SLC23A2: variants seen among roughly 807,000 people sequenced by gnomAD.
SLC23A2 encodes the protein solute carrier family 23 member 2.
Under a neutral mutation model 73.3 loss-of-function variants are expected in SLC23A2, and 36 were observed. The ratio of observed to expected loss-of-function variants is 0.49; its 90% CI spans 0.38 to 0.65. The LOEUF (loss-of-function observed/expected upper bound fraction) is 0.65. Ranked by LOEUF, SLC23A2 falls within the 30% of genes least tolerant of loss-of-function variation. SLC23A2 has a pLI of 0.00. For synonymous variants in SLC23A2, 343 were observed against 327.3 expected, an observed-to-expected ratio of 1.05 and a Z score of -0.52; for missense variants, 507 against 841.6, an observed-to-expected ratio of 0.60 and a Z score of 4.92.
rs1356958020 is a variant in SLC23A2 at position 4,857,277 on chromosome 20, AACACATACACACACACACACAC to A, written c.1721-95_1721-74del. The A allele has an allele frequency of 1.7e-6, 1 of 590,066 alleles. No individual in the cohort carries two copies. The highest frequency in any genetic ancestry group is 2.9e-6 in the Non-Finnish European group (1 of 342,040). 36.6% of individuals were successfully genotyped at this position (590,066 alleles called of 1,614,324 possible). A position where few individuals can be genotyped will look rare whatever the true frequency, so the allele number is the denominator to read the frequency against. ...TCTACTGAAAATGAAACTGTCGTCA[AACACATACACACACACACACAC>A]ACACACACACACACACACACACACA... is the stretch of plus-strand genomic sequence containing the variant. On this transcript the variant is annotated intron_variant, in intron 16 of 16. Coordinates refer to ENST00000338244, the MANE Select transcript of SLC23A2 (RefSeq NM_005116.6). The surrounding 1 kb of genome is among the most constrained non-coding windows in gnomAD (Gnocchi z 4.0).
At chr20:4,878,821 T>C (rs6116562) in intron 9 of SLC23A2, among the ~76,000 whole-genome samples, 1 of 152,242 alleles carries the variant, frequency 6.6e-6, no homozygotes, top group Non-Finnish European at 1.5e-5. Flanking sequence ...CTTCTTACTC[T>C]GCTCTGCCAA....
rs1929570759 is a variant in SLC23A2, at chr20:4,852,674, C to G, written c.*4298G>C. ...AAAACTCAAGGAAAATATAGGCATC[C>G]CCACTGTTTTAAGAACAGTCAGAAA... On this transcript the variant is annotated 3_prime_UTR_variant, in exon 17 of 17. Coordinates refer to ENST00000338244, the MANE Select transcript of SLC23A2 (RefSeq NM_005116.6). This position sits in a 1 kb window ranked among gnomAD's most constrained non-coding sequence, Gnocchi z 4.3. 6.6e-6 allele frequency: 1 copy of G among 152,418 alleles called. No individual in the cohort carries two copies. The highest frequency in any genetic ancestry group is 2.4e-5 in the African/African-American group (1 of 41,396). 9.4% of individuals were successfully genotyped at this position (152,418 alleles called of 1,614,324 possible).
chr20:4,974,588 C>CA (rs148456387), intron 1 of SLC23A2, among the ~76,000 whole-genome samples: 22,787 of 152,172 alleles, frequency 0.15, 1,865 homozygotes, highest in Middle Eastern at 0.31. Context: ...AGGGCAAACT[C>CA]AAACACTACA....
chr20:4,884,697 A>G (rs895641573), intron 8 of SLC23A2, 56 bp downstream of exon 8: 5 of 1,228,136 alleles, frequency 4.1e-6, no homozygotes, highest in Non-Finnish European at 6.0e-6. Context: ...GTCAACCAAC[A>G]TTGAAGCTGA....
intron 4 of SLC23A2, among the ~76,000 whole-genome samples, chr20:4,909,219 C>G (rs1932060090): frequency 6.6e-6 from 1 of 152,136 alleles, no homozygotes; most frequent in Non-Finnish European, 1.5e-5. Flanking sequence ...TTTTGAAATA[C>G]TTACTGGTTG....
chr20:4,906,288 G>A (rs1366254310), intron 4 of SLC23A2, among the ~76,000 whole-genome samples: 1 of 152,128 alleles, frequency 6.6e-6, no homozygotes, highest in Admixed American at 6.5e-5. Flanking sequence ...GCAGTGAGCT[G>A]TGATCATGCC....
rs1253242152 is a variant in SLC23A2 at position 4,902,250 on chromosome 20, C to T, written c.324+192G>A. Among the ~76,000 whole-genome samples, 3 of 152,320 alleles carry T rather than the reference C, an allele frequency of 2.0e-5. No individual in the cohort carries two copies. The highest frequency in any genetic ancestry group is 3.4e-3 in the Middle Eastern group (1 of 294). Reference sequence around the variant, plus strand: ...AGCTCCTAGGCTCCAGTGATCTGCCCACCTCAGCCTCCAAAACTGCTAGGA... The same window carrying T: ...AGCTCCTAGGCTCCAGTGATCTGCCTACCTCAGCCTCCAAAACTGCTAGGA... On this transcript the variant is annotated intron_variant, in intron 5 of 16. Transcript: ENST00000338244. The surrounding 1 kb of genome is among the most constrained non-coding windows in gnomAD (Gnocchi z 4.0).
intron 2 of SLC23A2, among the ~76,000 whole-genome samples, chr20:4,934,186 C>T (rs971234513): frequency 3.3e-5 from 5 of 152,168 alleles, no homozygotes; most frequent in Non-Finnish European, 7.3e-5. Context: ...CACGTACTAT[C>T]CACATTCATT....
chr20:4,968,117 G>A lies in SLC23A2; in HGVS notation c.-155+2676C>T, dbSNP rs112880964. On this transcript the variant is annotated intron_variant, in intron 2 of 16. Transcript: ENST00000338244. ...TCTTTCCCATCTGATTGTACAGTCC[G>A]GACACCTAGCAAATCAGAGAAAACA... is the stretch of plus-strand genomic sequence containing the variant. Among the ~76,000 whole-genome samples, 415 of 152,214 alleles carry A rather than the reference G, an allele frequency of 2.7e-3. 3 individuals carry two copies. Among genetic ancestry groups the A allele is most frequent in the African/African-American group, 8.5e-3 (352 of 41,514 alleles).
chr20:4,904,900 G>A (rs1328578719), intron 4 of SLC23A2, among the ~76,000 whole-genome samples: 4 of 152,142 alleles, frequency 2.6e-5, no homozygotes, highest in Non-Finnish European at 5.9e-5. Context: ...GATCACCTGA[G>A]GTCAGGAGTT....
intron 6 of SLC23A2, among the ~76,000 whole-genome samples, chr20:4,896,863 C>T (rs1016987459): frequency 2.6e-5 from 4 of 152,232 alleles, no homozygotes; most frequent in African/African-American, 9.6e-5. Flanking sequence ...AAGCTCTGGC[C>T]TCTGTGTGCC....
At chr20:4,924,374 C>T (rs938773010) in intron 3 of SLC23A2, among the ~76,000 whole-genome samples, 2 of 152,264 alleles carry the variant, frequency 1.3e-5, no homozygotes, top group South Asian at 2.1e-4. Context: ...CTTGCCCCCA[C>T]CCTCATCCAG....
Position 4,929,301 on chromosome 20 carries a change from T to A in SLC23A2, c.108+3154A>T, listed in dbSNP as rs143826645. On this transcript the variant is annotated intron_variant, in intron 3 of 16. Coordinates refer to ENST00000338244, the MANE Select transcript of SLC23A2 (RefSeq NM_005116.6). ...GAAAAGAAAAAGAAAAAAAAAACAC[T>A]TATGGAAAAAAATGGGGCTGACACT... Among the ~76,000 whole-genome samples, 1,292 of 150,812 alleles carry A rather than the reference T, an allele frequency of 8.6e-3. 13 individuals are homozygous for A. Among genetic ancestry groups the A allele is most frequent in the African/African-American group, 0.03 (1,214 of 41,042 alleles).
At chr20:4,894,947 C>G (rs1423344962) in intron 6 of SLC23A2, among the ~76,000 whole-genome samples, 1 of 152,220 alleles carries the variant, frequency 6.6e-6, no homozygotes, top group African/African-American at 2.4e-5. Flanking sequence ...TTCCTGTAAT[C>G]TAGACACTTC....
chr20:4,905,231 C>A (rs574243938), intron 4 of SLC23A2, among the ~76,000 whole-genome samples: 54 of 151,934 alleles, frequency 3.6e-4, no homozygotes, highest in Middle Eastern at 6.8e-3. Context: ...ATGAGGGTAG[C>A]CCTACAACTC....
chr20:4,953,695 C>T (rs1401229823), intron 2 of SLC23A2, among the ~76,000 whole-genome samples: 4 of 152,054 alleles, frequency 2.6e-5, no homozygotes, highest in African/African-American at 7.2e-5. Context: ...TCAAGACCAG[C>T]TTAGCCAACA....
chr20:4,892,044 G>A (rs1190524230), intron 6 of SLC23A2, among the ~76,000 whole-genome samples: 1 of 152,028 alleles, frequency 6.6e-6, no homozygotes, highest in African/African-American at 2.4e-5. Flanking sequence ...ATGAGCCATG[G>A]TGTCCTGCTC....
intron 9 of SLC23A2, among the ~76,000 whole-genome samples, chr20:4,882,171 G>GT (rs151252271): frequency 0.064 from 9,720 of 152,168 alleles, 405 homozygotes; most frequent in Non-Finnish European, 0.092. Context: ...GAAGTCAGGA[G>GT]TTTGAGACCA....
At chr20:4,977,521 C>T (rs891723122) in intron 1 of SLC23A2, among the ~76,000 whole-genome samples, 1 of 151,468 alleles carries the variant, frequency 6.6e-6, no homozygotes, top group Admixed American at 6.6e-5. Flanking sequence ...ACCCTCCCAT[C>T]CCCGACTCTA....
Sources: allele counts gnomAD v4.1 joint callset (sites outside exome capture counted in the v4.1 genomes callset), GRCh38; gene constraint gnomAD v4.1.1; non-coding constraint Gnocchi (gnomAD v3.1); transcripts MANE v1.5; gene names NCBI Gene and HGNC (gene_info 2026-07-23, HGNC 2026-07-21).